The following DRC11 variants were observed in gnomAD, a reference collection of about 807,000 sequenced individuals.
DRC11 encodes IQ and AAA domain-containing protein 1.
the DRC11 span, among the ~76,000 whole-genome samples, chr2:236,498,392 G>C: frequency 6.6e-6 from 1 of 152,082 alleles, no homozygotes; most frequent in African/African-American, 2.4e-5. Context: ...TTGAACCCGG[G>C]AGGTGGAGTT....
chr2:236,465,449 A>G, the DRC11 span: 2 of 1,455,720 alleles, frequency 1.4e-6, no homozygotes, highest in African/African-American at 2.8e-5. The surrounding 1 kb of genome is among the most constrained non-coding windows in gnomAD (Gnocchi z 6.2). Flanking sequence ...AAAACATACA[A>G]TAACCTCAGC....
At chr2:236,361,068 GATGACCCCGTTTTGAA>G in the DRC11 span, among the ~76,000 whole-genome samples, 1 of 152,128 alleles carries the variant, frequency 6.6e-6, no homozygotes, top group Non-Finnish European at 1.5e-5. This position sits in a 1 kb window ranked among gnomAD's most constrained non-coding sequence, Gnocchi z 5.7. Context: ...TAGGCCCCAT[GATGACCCCGTTTTGAA>G]ATGAGCACAT....
chr2:236,385,475 T>C, the DRC11 span, among the ~76,000 whole-genome samples: 1 of 121,738 alleles, frequency 8.2e-6, no homozygotes, highest in African/African-American at 3.2e-5. Flanking sequence ...CTGTTGTTGG[T>C]GTATAAGAAT....
chr2:236,477,710 A>G, the DRC11 span, among the ~76,000 whole-genome samples: 1 of 152,114 alleles, frequency 6.6e-6, no homozygotes, highest in South Asian at 2.1e-4. Flanking sequence ...ATTCAATCTC[A>G]TTAGTCATCA....
chr2:236,337,851 C>T, the DRC11 span, among the ~76,000 whole-genome samples: 4 of 151,726 alleles, frequency 2.6e-5, no homozygotes, highest in Admixed American at 1.3e-4. The surrounding 1 kb of genome is among the most constrained non-coding windows in gnomAD (Gnocchi z 4.9). Flanking sequence ...AAACTACACT[C>T]TATGAGGAAG....
At chr2:236,348,678 T>C in the DRC11 span, among the ~76,000 whole-genome samples, 1 of 152,128 alleles carries the variant, frequency 6.6e-6, no homozygotes, top group Admixed American at 6.6e-5. The surrounding 1 kb of genome is among the most constrained non-coding windows in gnomAD (Gnocchi z 7.4). Context: ...CCCTGGAGAT[T>C]CTGGTGTGAC....
the DRC11 span, among the ~76,000 whole-genome samples, chr2:236,404,581 C>T: frequency 1.4e-4 from 22 of 152,350 alleles, no homozygotes; most frequent in African/African-American, 4.1e-4. Context: ...GGTGGAGCCA[C>T]GGCCGGTAAC....
chr2:236,436,821 ATC>A, the DRC11 span, among the ~76,000 whole-genome samples: 2 of 152,260 alleles, frequency 1.3e-5, no homozygotes, highest in South Asian at 4.2e-4. Flanking sequence ...AACAAATGTT[ATC>A]TGTTATTTTT....
the DRC11 span, among the ~76,000 whole-genome samples, chr2:236,502,242 T>C: frequency 6.6e-6 from 1 of 152,180 alleles, no homozygotes; most frequent in African/African-American, 2.4e-5. Context: ...ATAAATGGCA[T>C]GACTGCAAAA....
the DRC11 span, among the ~76,000 whole-genome samples, chr2:236,424,397 T>G: frequency 6.6e-6 from 1 of 152,184 alleles, no homozygotes. Context: ...AATTTTTGAG[T>G]ATTACATTTT....
At chr2:236,336,445 C>A in the DRC11 span, among the ~76,000 whole-genome samples, 1 of 150,558 alleles carries the variant, frequency 6.6e-6, no homozygotes, top group African/African-American at 2.5e-5. This position sits in a 1 kb window ranked among gnomAD's most constrained non-coding sequence, Gnocchi z 7.3. Context: ...ACGGCCACCA[C>A]CACTGCCACC....
chr2:236,493,109 CA>C, the DRC11 span, among the ~76,000 whole-genome samples: 1 of 152,274 alleles, frequency 6.6e-6, no homozygotes, highest in African/African-American at 2.4e-5. Context: ...ACAATCATGG[CA>C]GAAGGTGAAA....
chr2:236,443,647 G>A, the DRC11 span, among the ~76,000 whole-genome samples: 2 of 152,096 alleles, frequency 1.3e-5, no homozygotes. This position sits in a 1 kb window ranked among gnomAD's most constrained non-coding sequence, Gnocchi z 4.4. Context: ...TTGATTCCAT[G>A]TCTTTGCTAT....
At chr2:236,456,135 A>T in the DRC11 span, among the ~76,000 whole-genome samples, 1 of 152,214 alleles carries the variant, frequency 6.6e-6, no homozygotes, top group Non-Finnish European at 1.5e-5. This position sits in a 1 kb window ranked among gnomAD's most constrained non-coding sequence, Gnocchi z 5.4. Context: ...CAAGTCATTT[A>T]TCTGAGAATC....
the DRC11 span, among the ~76,000 whole-genome samples, chr2:236,366,973 CTATTTTTT>C: frequency 7.8e-5 from 9 of 114,814 alleles, no homozygotes; most frequent in African/African-American, 3.6e-4. Flanking sequence ...CCACACCCGG[CTATTTTTT>C]TTTTTTTTTT....
the DRC11 span, among the ~76,000 whole-genome samples, chr2:236,370,934 T>G: frequency 6.6e-6 from 1 of 152,128 alleles, no homozygotes; most frequent in Non-Finnish European, 1.5e-5. This position sits in a 1 kb window ranked among gnomAD's most constrained non-coding sequence, Gnocchi z 5.5. Context: ...TTATCTGCTG[T>G]GATTCTAATG....
At chr2:236,436,118 T>C in the DRC11 span, among the ~76,000 whole-genome samples, 1 of 152,228 alleles carries the variant, frequency 6.6e-6, no homozygotes, top group Non-Finnish European at 1.5e-5. Context: ...AAAACAGATA[T>C]GGCAACATTA....
chr2:236,479,111 C>T, the DRC11 span, among the ~76,000 whole-genome samples: 1 of 152,176 alleles, frequency 6.6e-6, no homozygotes, highest in African/African-American at 2.4e-5. The surrounding 1 kb of genome is among the most constrained non-coding windows in gnomAD (Gnocchi z 4.1). Context: ...AGGCGTGAGC[C>T]ACTGCACCTG....
chr2:236,308,403 T>C, the DRC11 span, among the ~76,000 whole-genome samples: 1 of 152,242 alleles, frequency 6.6e-6, no homozygotes, highest in Non-Finnish European at 1.5e-5. This position sits in a 1 kb window ranked among gnomAD's most constrained non-coding sequence, Gnocchi z 6.0. Context: ...TGTGTGAGCC[T>C]CCATGCAGCT....
Sources: gnomAD v4.1 joint callset for allele counts (sites outside exome capture counted in the v4.1 genomes callset) on GRCh38, gnomAD v4.1.1 for gene constraint, Gnocchi (gnomAD v3.1) non-coding constraint, MANE v1.5 for transcripts, NCBI Gene and HGNC (gene_info 2026-07-23, HGNC 2026-07-21) for gene names.